CELF2: variants seen among roughly 807,000 people sequenced by gnomAD.
CELF2 encodes CUGBP Elav-like family member 2, also known as CUG triplet repeat RNA-binding protein 2.
A neutral mutation model predicts 62.6 loss-of-function variants in CELF2; 8 were observed. The observed-to-expected ratio is 0.13, with a 90% CI of 0.07 to 0.23. CELF2 has a LOEUF of 0.23. Among genes scored for constraint, CELF2 ranks in the 10% least tolerant of loss-of-function variants. The pLI is 1.00. For synonymous variants in CELF2, 258 were observed against 250.0 expected (o/e 1.03, Z -0.30); for missense variants, 333 against 671.0 (o/e 0.50, Z 5.56).
chr10:11,223,416 C>G lies in CELF2; in HGVS notation c.354+5909C>G, dbSNP rs537561822. 6.6e-6 allele frequency among the ~76,000 whole-genome samples: 1 copy of G among 152,346 alleles called. No individual in the cohort carries two copies. The highest frequency in any genetic ancestry group is 1.5e-5 in the Non-Finnish European group (1 of 68,036). On this transcript the variant is annotated intron_variant, in intron 3 of 12. Coordinates refer to ENST00000633077, the MANE Select transcript of CELF2 (RefSeq NM_001326342.2). This position sits in a 1 kb window ranked among gnomAD's most constrained non-coding sequence, Gnocchi z 5.1. The stretch of plus-strand genomic sequence containing the variant: ...TGCGGAATGTGTCAGTCAGGACATC[C>G]ATTTGGTGCAGATGCTTCAGATGTA...
chr10:10,487,117 T>C, the CELF2 span, among the ~76,000 whole-genome samples: 1 of 152,220 alleles, frequency 6.6e-6, no homozygotes, highest in Non-Finnish European at 1.5e-5. Context: ...TGGCTTCCTA[T>C]GATTTCTGTG....
intron 1 of CELF2, among the ~76,000 whole-genome samples, chr10:10,906,026 G>A (rs552251599): frequency 6.6e-6 from 1 of 152,060 alleles, no homozygotes; most frequent in African/African-American, 2.4e-5. Flanking sequence ...AGCTCAGACG[G>A]TGCCACTGCT....
At chr10:10,520,032 A>T in the CELF2 span, among the ~76,000 whole-genome samples, 3 of 152,140 alleles carry the variant, frequency 2.0e-5, no homozygotes, top group African/African-American at 7.2e-5. Context: ...TCCTGACCTC[A>T]GTGTTCCATC....
the CELF2 span, among the ~76,000 whole-genome samples, chr10:10,745,122 AAAAAAC>A: frequency 1.2e-5 from 1 of 84,872 alleles, no homozygotes; most frequent in Non-Finnish European, 2.6e-5. Flanking sequence ...GTAAAAAAAA[AAAAAAC>A]AAAACAAAAA....
At chr10:10,716,455 C>T in the CELF2 span, among the ~76,000 whole-genome samples, 1 of 152,112 alleles carries the variant, frequency 6.6e-6, no homozygotes, top group Non-Finnish European at 1.5e-5. Flanking sequence ...GTGGGAGGAT[C>T]GCTTGAGCCC....
the CELF2 span, among the ~76,000 whole-genome samples, chr10:10,579,825 G>A: frequency 1.3e-5 from 2 of 151,616 alleles, no homozygotes; most frequent in African/African-American, 2.4e-5. Context: ...TTTTCAGTAG[G>A]AGCTGCAGAG....
intron 2 of CELF2, among the ~76,000 whole-genome samples, chr10:11,204,997 G>T (rs2060109683): frequency 6.6e-6 from 1 of 152,070 alleles, no homozygotes; most frequent in Non-Finnish European, 1.5e-5. Flanking sequence ...GCCTCTTGGG[G>T]GCATATCATA....
chr10:11,091,409 G>C (rs902155778), intron 1 of CELF2, among the ~76,000 whole-genome samples: 1 of 152,200 alleles, frequency 6.6e-6, no homozygotes, highest in Non-Finnish European at 1.5e-5. Context: ...TTCTGGGCTT[G>C]AGAAAATACT....
chr10:10,838,298 A>G (rs749223352), intron 1 of CELF2, among the ~76,000 whole-genome samples: 1 of 152,194 alleles, frequency 6.6e-6, no homozygotes, highest in Non-Finnish European at 1.5e-5. Context: ...TCGAGTGTAC[A>G]TGCTATCAAC....
At chr10:10,706,300 A>G in the CELF2 span, among the ~76,000 whole-genome samples, 12 of 152,214 alleles carry the variant, frequency 7.9e-5, no homozygotes, top group Non-Finnish European at 1.5e-4. Flanking sequence ...AGCTGGCACT[A>G]AGTAGACACT....
chr10:11,224,377 G>T lies in CELF2; in HGVS notation c.354+6870G>T, dbSNP rs550719837. On this transcript the variant is annotated intron_variant, in intron 3 of 12. Transcript: ENST00000633077. The surrounding 1 kb of genome is among the most constrained non-coding windows in gnomAD (Gnocchi z 4.5). ...GTATCTTGTGAGGGGATGGTAGGAT[G>T]GTACAATGGCAAAATGAAGCCATAG... Among the ~76,000 whole-genome samples the T allele has an allele frequency of 1.3e-5, 2 of 152,208 alleles. No individual in the cohort carries two copies. Among genetic ancestry groups the T allele is most frequent in the African/African-American group, 4.8e-5 (2 of 41,546 alleles).
chr10:10,846,819 T>C, intron 1 of CELF2, among the ~76,000 whole-genome samples: 1 of 152,216 alleles, frequency 6.6e-6, no homozygotes, highest in East Asian at 1.9e-4. Context: ...TAAGGGAAAG[T>C]TATGTTTTCC....
the CELF2 span, among the ~76,000 whole-genome samples, chr10:10,521,907 C>T: frequency 9.2e-4 from 140 of 152,284 alleles, no homozygotes; most frequent in East Asian, 6.4e-3. Context: ...CTCATGACAT[C>T]CTTCTCTAAC....
At chr10:10,747,808 G>A in the CELF2 span, among the ~76,000 whole-genome samples, 1 of 152,216 alleles carries the variant, frequency 6.6e-6, no homozygotes, top group Non-Finnish European at 1.5e-5. Flanking sequence ...CAGGGTTCAT[G>A]CCATTCTCCT....
chr10:11,040,837 A>T (rs1228593551), intron 1 of CELF2, among the ~76,000 whole-genome samples: 2 of 152,194 alleles, frequency 1.3e-5, no homozygotes, highest in Non-Finnish European at 2.9e-5. Context: ...CAATATTTTC[A>T]ATATTTTTCC....
At chr10:10,778,853 T>C in the CELF2 span, among the ~76,000 whole-genome samples, 1 of 152,092 alleles carries the variant, frequency 6.6e-6, no homozygotes, top group East Asian at 1.9e-4. Flanking sequence ...GAAGAAACAA[T>C]TAAAATTTGT....
intron 2 of CELF2, among the ~76,000 whole-genome samples, chr10:11,175,512 G>T (rs2070747158): frequency 6.6e-6 from 1 of 152,212 alleles, no homozygotes; most frequent in Admixed American, 6.5e-5. Flanking sequence ...TGTTGGAACA[G>T]CAGGCAACAT....
upstream of CELF2, among the ~76,000 whole-genome samples, chr10:10,797,983 A>T (rs1590441898): frequency 6.6e-6 from 1 of 151,668 alleles, no homozygotes; most frequent in African/African-American, 2.4e-5. Flanking sequence ...AAGATACACA[A>T]GGTGGGGGGC....
intron 1 of CELF2, among the ~76,000 whole-genome samples, chr10:10,884,859 G>A (rs1453852305): frequency 1.3e-5 from 2 of 152,216 alleles, no homozygotes; most frequent in African/African-American, 4.8e-5. Flanking sequence ...CTGTGTACAT[G>A]CATGCTCATT....
Sources: allele counts gnomAD v4.1 joint callset (sites outside exome capture counted in the v4.1 genomes callset), GRCh38; gene constraint gnomAD v4.1.1; non-coding constraint Gnocchi (gnomAD v3.1); transcripts MANE v1.5; gene names NCBI Gene and HGNC (gene_info 2026-07-23, HGNC 2026-07-21).